GSG1L: variants seen among roughly 807,000 people sequenced by gnomAD.
GSG1L encodes the protein GSG1 like.
A neutral mutation model predicts 42.1 loss-of-function variants in GSG1L; 24 were observed. The observed-to-expected ratio is 0.57, with a 90% CI of 0.41 to 0.80. The LOEUF is 0.80. Among genes scored for constraint, GSG1L ranks in the 30% least tolerant of loss-of-function variants. The pLI, the probability that GSG1L is intolerant of heterozygous loss-of-function variation, is 0.00. For missense variants in GSG1L, 445 were observed against 472.2 expected (o/e 0.94, Z 0.53); for synonymous variants, 215 against 203.5 (o/e 1.06, Z -0.48).
At chr16:27,887,209 G>C (rs1325985524) in intron 2 of GSG1L, among the ~76,000 whole-genome samples, 1 of 152,128 alleles carries the variant, frequency 6.6e-6, no homozygotes, top group Non-Finnish European at 1.5e-5. Flanking sequence ...TCCTCTCTCA[G>C]CCTTCCAAAG....
intron 5 of GSG1L, among the ~76,000 whole-genome samples, chr16:27,807,818 A>G (rs2144439600): frequency 6.6e-6 from 1 of 152,348 alleles, no homozygotes; most frequent in Middle Eastern, 3.4e-3. Context: ...TAGAGGCAGA[A>G]TAGGAAGGCA....
rs2086091501 is a variant in GSG1L, at chr16:28,040,254, C to T, written c.349+22822G>A. 6.6e-6 allele frequency among the ~76,000 whole-genome samples: 1 copy of T among 151,778 alleles called. No individual in the cohort carries two copies. The highest frequency in any genetic ancestry group is 1.5e-5 in the Non-Finnish European group (1 of 67,940). On this transcript the variant is annotated intron_variant, in intron 1 of 6. Transcript: ENST00000447459. This position sits in a 1 kb window ranked among gnomAD's most constrained non-coding sequence, Gnocchi z 4.1. ...AGGGCCTTTTCACTTGCGATTGCCT[C>T]CGTCTGAGGCTCTTTCTCCAGATCT...
chr16:28,039,413 C>G (rs1238835136), intron 1 of GSG1L, among the ~76,000 whole-genome samples: 1 of 152,112 alleles, frequency 6.6e-6, no homozygotes, highest in Non-Finnish European at 1.5e-5. Flanking sequence ...ATGGAGACTT[C>G]TAAAAACTCT....
intron 3 of GSG1L, among the ~76,000 whole-genome samples, chr16:27,874,790 G>A (rs938862408): frequency 1.3e-5 from 2 of 152,154 alleles, no homozygotes; most frequent in Admixed American, 1.3e-4. Flanking sequence ...GTCACCTTAA[G>A]TAGAGTGACT....
intron 6 of GSG1L, among the ~76,000 whole-genome samples, chr16:27,803,804 G>GATAGAT (rs1555500734): frequency 0.014 from 1,688 of 121,874 alleles, 45 homozygotes; most frequent in African/African-American, 0.043. Flanking sequence ...TAGATAGATA[G>GATAGAT]ATATAGATAT....
At chr16:27,837,801 G>C (rs912831565) in intron 4 of GSG1L, among the ~76,000 whole-genome samples, 1 of 151,686 alleles carries the variant, frequency 6.6e-6, no homozygotes, top group African/African-American at 2.4e-5. Context: ...CTGTCTCAGT[G>C]GGCTGACCCT....
intron 2 of GSG1L, among the ~76,000 whole-genome samples, chr16:27,896,040 C>T (rs1158834050): frequency 6.6e-6 from 1 of 152,106 alleles, no homozygotes; most frequent in African/African-American, 2.4e-5. Flanking sequence ...AATCTCTGGC[C>T]CCTCCCAGAC....
intron 4 of GSG1L, among the ~76,000 whole-genome samples, chr16:27,838,954 C>G (rs554134519): frequency 1.3e-5 from 2 of 152,204 alleles, no homozygotes; most frequent in Non-Finnish European, 2.9e-5. Context: ...GATCACACAG[C>G]CTCTCAGCAG....
chr16:27,829,882 T>A (rs1476533006), intron 4 of GSG1L, among the ~76,000 whole-genome samples: 1 of 152,152 alleles, frequency 6.6e-6, no homozygotes, highest in Non-Finnish European at 1.5e-5. Flanking sequence ...CATTACCCAC[T>A]TCCATATGAC....
At chr16:28,030,322 G>T (rs143223974) in intron 1 of GSG1L, among the ~76,000 whole-genome samples, 1 of 152,148 alleles carries the variant, frequency 6.6e-6, no homozygotes, top group Admixed American at 6.5e-5. Flanking sequence ...GCTTAGGGAT[G>T]GACCCAAGCC....
chr16:27,846,567 C>G (rs887462118), intron 3 of GSG1L, among the ~76,000 whole-genome samples: 1 of 152,158 alleles, frequency 6.6e-6, no homozygotes, highest in Non-Finnish European at 1.5e-5. Flanking sequence ...ATACGAGAGA[C>G]CATGCTTTAA....
At chr16:27,892,869 C>A (rs2141034386) in intron 2 of GSG1L, among the ~76,000 whole-genome samples, 1 of 150,796 alleles carries the variant, frequency 6.6e-6, no homozygotes, top group East Asian at 1.9e-4. Flanking sequence ...TGGCATCAGG[C>A]AAATAAAAGG....
intron 1 of GSG1L, among the ~76,000 whole-genome samples, chr16:28,011,902 AT>A (rs1388254907): frequency 6.6e-6 from 1 of 152,086 alleles, no homozygotes; most frequent in East Asian, 1.9e-4. Context: ...CACGGATTCC[AT>A]TTTCAGATTC....
In GSG1L at chr16:27,909,038, GC is replaced by G. The variant is rs200191967; in HGVS notation, c.398-24401del. Among the ~76,000 whole-genome samples, 364 of 152,196 alleles carry G rather than the reference GC, an allele frequency of 2.4e-3. 6 individuals are homozygous for G. The East Asian group carries it at 0.035, about 14-fold the overall frequency. On this transcript the variant is annotated intron_variant, in intron 2 of 6. Transcript: ENST00000447459. The stretch of plus-strand genomic sequence containing the variant: ...CACTTACCAGCCGTAGGGACCTGGG[GC>G]CCATCATTTAACATTTCTAAACCTG...
intron 3 of GSG1L, among the ~76,000 whole-genome samples, chr16:27,852,635 G>A (rs1049228712): frequency 2.6e-5 from 4 of 152,192 alleles, no homozygotes; most frequent in East Asian, 1.9e-4. Flanking sequence ...GGTGGGGCAC[G>A]TGAGAGGTGA....
chr16:27,971,009 T>C (rs746156862), intron 1 of GSG1L, among the ~76,000 whole-genome samples: 1 of 152,246 alleles, frequency 6.6e-6, no homozygotes, highest in Non-Finnish European at 1.5e-5. Flanking sequence ...TCCATTAATT[T>C]ATATGTCTCT....
chr16:27,980,354 C>A (rs1391189212), intron 1 of GSG1L, among the ~76,000 whole-genome samples: 1 of 152,144 alleles, frequency 6.6e-6, no homozygotes, highest in Non-Finnish European at 1.5e-5. Flanking sequence ...CATACCCCAC[C>A]AGATGGTGTT....
chr16:28,054,013 G>A (rs989120564), intron 1 of GSG1L, among the ~76,000 whole-genome samples: 5 of 151,932 alleles, frequency 3.3e-5, no homozygotes, highest in South Asian at 4.2e-4. Flanking sequence ...GGTCCCCCTC[G>A]CAGCCTCCCT....
At chr16:27,844,315 C>A (rs1365798265) in intron 4 of GSG1L, among the ~76,000 whole-genome samples, 2 of 152,152 alleles carry the variant, frequency 1.3e-5, no homozygotes, top group African/African-American at 4.8e-5. Flanking sequence ...CATATGCAAA[C>A]CCTGCTTTGA....
Sources: gnomAD v4.1 joint callset for allele counts (sites outside exome capture counted in the v4.1 genomes callset) on GRCh38, gnomAD v4.1.1 for gene constraint, Gnocchi (gnomAD v3.1) non-coding constraint, MANE v1.5 for transcripts, NCBI Gene and HGNC (gene_info 2026-07-23, HGNC 2026-07-21) for gene names.